Variants in CRACD observed in about 807,000 individuals in gnomAD.
CRACD encodes the protein capping protein inhibiting regulator of actin dynamics, also known as capping protein-inhibiting regulator of actin dynamics.
In CRACD, 56 loss-of-function variants were observed where a neutral mutation model predicts 106.8. The observed-to-expected ratio is 0.52, with a 90% CI of 0.42 to 0.66. The LOEUF (loss-of-function observed/expected upper bound fraction) is 0.66. Among genes scored for constraint, CRACD ranks in the 30% least tolerant of loss-of-function variants. The pLI, the probability that CRACD is intolerant of heterozygous loss-of-function variation, is 0.00. For synonymous variants in CRACD, 754 were observed against 670.8 expected (o/e 1.12, Z -1.92); for missense variants, 1,730 against 1,623.2 (o/e 1.07, Z -1.13).
At chr4:56,083,380 A>G (rs1733101979) in intron 1 of CRACD, among the ~76,000 whole-genome samples, 2 of 152,220 alleles carry the variant, frequency 1.3e-5, no homozygotes, top group African/African-American at 4.8e-5. Flanking sequence ...AAGGCTGCCA[A>G]AAGTGGTTAT....
intron 8 of CRACD, among the ~76,000 whole-genome samples, chr4:56,320,275 T>TA (rs917743841): frequency 6.6e-6 from 1 of 152,180 alleles, no homozygotes; most frequent in African/African-American, 2.4e-5. Context: ...GAGTAGTGAC[T>TA]AGAACCCTGT....
chr4:56,122,012 T>C (rs930492632), intron 1 of CRACD, among the ~76,000 whole-genome samples: 5 of 152,068 alleles, frequency 3.3e-5, no homozygotes, highest in African/African-American at 1.2e-4. Flanking sequence ...CTTTTCATGT[T>C]TTAAAATTCT....
intron 1 of CRACD, among the ~76,000 whole-genome samples, chr4:56,151,147 C>T (rs1401552447): frequency 6.6e-6 from 1 of 152,144 alleles, no homozygotes; most frequent in Non-Finnish European, 1.5e-5. Context: ...AAGGCGCATG[C>T]CACCAAGCCC....
At chr4:56,135,209 T>C (rs999412940) in intron 1 of CRACD, among the ~76,000 whole-genome samples, 2 of 152,100 alleles carry the variant, frequency 1.3e-5, no homozygotes, top group African/African-American at 2.4e-5. Flanking sequence ...TGCTTAAACC[T>C]GGGAGGTGGA....
chr4:56,129,750 T>C (rs916481079), intron 1 of CRACD, among the ~76,000 whole-genome samples: 5 of 151,926 alleles, frequency 3.3e-5, no homozygotes, highest in African/African-American at 1.2e-4. Context: ...AAGCTTACAG[T>C]AGAGAGTGGG....
intron 2 of CRACD, among the ~76,000 whole-genome samples, chr4:56,220,813 G>C (rs957098450): frequency 6.6e-6 from 1 of 152,100 alleles, no homozygotes; most frequent in African/African-American, 2.4e-5. Flanking sequence ...AAATTGATTA[G>C]TCCTAATAGG....
intron 1 of CRACD, among the ~76,000 whole-genome samples, chr4:56,156,133 G>A (rs937523357): frequency 6.6e-6 from 1 of 152,128 alleles, no homozygotes; most frequent in Non-Finnish European, 1.5e-5. Context: ...GCTAATTTTT[G>A]TGTTTTTAGT....
In CRACD at chr4:56,327,920, T is replaced by A; in HGVS notation, c.*116T>A. 1 of 910,972 alleles carries A rather than the reference T, an allele frequency of 1.1e-6. No individual in the cohort carries two copies. The highest frequency in any genetic ancestry group is 2.7e-5 in the Admixed American group (1 of 36,388). 56.4% of individuals were successfully genotyped at this position (910,972 alleles called of 1,614,324 possible). A position where few individuals can be genotyped will look rare whatever the true frequency, so the allele number is the denominator to read the frequency against. On this transcript the variant is annotated 3_prime_UTR_variant, in exon 11 of 11. Transcript: ENST00000682029. ...AGCTAGGGAAAAGAAGCATGTTTTA[T>A]AGGCTCCAAAATAATGTTTAGAAAC...
intron 1 of CRACD, among the ~76,000 whole-genome samples, chr4:56,122,338 C>A (rs1577677119): frequency 7.0e-5 from 10 of 142,774 alleles, no homozygotes; most frequent in South Asian, 2.3e-4. Flanking sequence ...TTTTTAAATT[C>A]AAAAAAGAAA....
intron 2 of CRACD, among the ~76,000 whole-genome samples, chr4:56,183,290 A>AAAATAAAAT (rs1560475172): frequency 2.7e-5 from 2 of 75,332 alleles, no homozygotes; most frequent in African/African-American, 1.0e-4. Context: ...TAAAATAAAA[A>AAAATAAAAT]GAATTAGGGG....
chr4:56,315,661 C>G lies in CRACD; in HGVS notation c.2159C>G (p.Ser720Cys). The G allele has an allele frequency of 6.2e-7, 1 of 1,614,226 alleles. No homozygotes were observed. Among genetic ancestry groups the G allele is most frequent in the Non-Finnish European group, 8.5e-7 (1 of 1,180,042 alleles). The change falls in exon 8 of 11, where the codon TCT (serine) becomes TGT (cysteine). Residue 720 changes from serine (S) to cysteine (C), a missense_variant. By Grantham distance (112) the Ser-to-Cys change is moderately radical (BLOSUM62 -1). Coordinates refer to ENST00000682029, the MANE Select transcript of CRACD (RefSeq NM_001393381.1). This position sits in a 1 kb window ranked among gnomAD's most constrained non-coding sequence, Gnocchi z 4.1. ...RKTPPVNAKF[S>C]IMPAWQKFSD... is the part of the protein sequence containing the mutation. ...ACTCCGCCAGTCAATGCAAAGTTCT[C>G]TATTATGCCTGCCTGGCAGAAATTT...
At chr4:56,049,610 C>G (rs369913470) in intron 1 of CRACD, among the ~76,000 whole-genome samples, 1 of 152,176 alleles carries the variant, frequency 6.6e-6, no homozygotes, top group East Asian at 1.9e-4. Flanking sequence ...TTCTCCTCTT[C>G]CCGCGCCTCG....
At chr4:56,227,709 T>C (rs995999917) in intron 2 of CRACD, among the ~76,000 whole-genome samples, 1 of 152,162 alleles carries the variant, frequency 6.6e-6, no homozygotes, top group Non-Finnish European at 1.5e-5. Context: ...CAAAACTCTA[T>C]TTACGAAAAC....
intron 2 of CRACD, among the ~76,000 whole-genome samples, chr4:56,212,056 A>T (rs1166625837): frequency 6.6e-6 from 1 of 152,156 alleles, no homozygotes; most frequent in Non-Finnish European, 1.5e-5. Context: ...AGGTTGGCAC[A>T]ATATACAGGT....
intron 1 of CRACD, among the ~76,000 whole-genome samples, chr4:56,062,666 T>C (rs1732319103): frequency 6.6e-6 from 1 of 152,346 alleles, no homozygotes; most frequent in African/African-American, 2.4e-5. Flanking sequence ...ATCTGATCTC[T>C]GACCTTCTGC....
intron 1 of CRACD, among the ~76,000 whole-genome samples, chr4:56,169,611 C>T (rs963418678): frequency 3.3e-5 from 5 of 152,104 alleles, no homozygotes; most frequent in Non-Finnish European, 5.9e-5. Context: ...ATCTTCCCAC[C>T]GCAGCCTCCC....
intron 2 of CRACD, among the ~76,000 whole-genome samples, chr4:56,181,847 C>A (rs1481991730): frequency 2.0e-5 from 3 of 152,140 alleles, no homozygotes; most frequent in Non-Finnish European, 4.4e-5. Context: ...AAGGACCCAC[C>A]CTACTTCAAT....
At chr4:56,265,402 G>GT (rs762506119) in intron 2 of CRACD, among the ~76,000 whole-genome samples, 3,503 of 74,182 alleles carry the variant, frequency 0.047, 84 homozygotes, top group East Asian at 0.34. Context: ...TATAGAGGAG[G>GT]GGTGTGTGTG....
intron 2 of CRACD, among the ~76,000 whole-genome samples, chr4:56,206,657 A>G (rs986025545): frequency 9.2e-5 from 14 of 152,150 alleles, no homozygotes; most frequent in Non-Finnish European, 1.0e-4. Context: ...ACGTGAGTCC[A>G]TTTTGGTTTG....
Sources: gnomAD v4.1 joint callset for allele counts (sites outside exome capture counted in the v4.1 genomes callset) on GRCh38, gnomAD v4.1.1 for gene constraint, Gnocchi (gnomAD v3.1) non-coding constraint, MANE v1.5 for transcripts, NCBI Gene and HGNC (gene_info 2026-07-23, HGNC 2026-07-21) for gene names.